The following THSD7B variants were observed in gnomAD, a reference collection of about 807,000 sequenced individuals.
THSD7B encodes thrombospondin type 1 domain containing 7B.
In THSD7B, 138 loss-of-function variants were observed where a neutral mutation model predicts 213.6. The observed-to-expected ratio is 0.65, with a 90% CI of 0.56 to 0.74. The LOEUF (loss-of-function observed/expected upper bound fraction) is 0.74. THSD7B is among the 30% of genes least tolerant of loss of function. The pLI, the probability that THSD7B is intolerant of heterozygous loss-of-function variation, is 0.00. For synonymous variants in THSD7B, 742 were observed against 687.0 expected (o/e 1.08, Z -1.25); for missense variants, 1,931 against 1,991.5 (o/e 0.97, Z 0.58).
At chr2:136,826,009 C>T (rs376587129) in intron 1 of THSD7B, among the ~76,000 whole-genome samples, 16 of 152,224 alleles carry the variant, frequency 1.1e-4, no homozygotes, top group South Asian at 2.1e-4. Context: ...CCTGGGGATT[C>T]GGATGTAGGC....
At chr2:136,814,521 C>A (rs559817697) in intron 1 of THSD7B, among the ~76,000 whole-genome samples, 4 of 152,170 alleles carry the variant, frequency 2.6e-5, no homozygotes, top group East Asian at 1.9e-4. Context: ...GCCTCAGCCT[C>A]CTGAGTAGCT....
Position 137,394,480 on chromosome 2 carries a change from G to A in THSD7B, c.2501-11133G>A, listed in dbSNP as rs564133802. On this transcript the variant is annotated intron_variant, in intron 12 of 27. Transcript: ENST00000409968. ...AAAGATCTGATAGTTGTAGATATGC[G>A]GCGTTATTTCTGAGGGCTGTGTTCT... 8.0e-5 allele frequency among the ~76,000 whole-genome samples: 11 copies of A among 137,844 alleles called. 2 individuals are homozygous for A. In the South Asian group the frequency reaches 1.0e-3, roughly 13 times the overall value. The allele number at this position is 137,844 out of a possible 152,430, so 90.4% of individuals were successfully genotyped here. A position where few individuals can be genotyped will look rare whatever the true frequency, so the allele number is the denominator to read the frequency against.
intron 15 of THSD7B, among the ~76,000 whole-genome samples, chr2:137,492,756 G>A (rs946939395): frequency 2.6e-5 from 4 of 152,078 alleles, no homozygotes; most frequent in Admixed American, 2.6e-4. Context: ...AAATTAGCAC[G>A]TTAATAAATA....
intron 15 of THSD7B, among the ~76,000 whole-genome samples, chr2:137,480,745 A>T (rs1295441611): frequency 6.6e-6 from 1 of 152,270 alleles, no homozygotes; most frequent in Non-Finnish European, 1.5e-5. Flanking sequence ...AATTAACAGG[A>T]TTAAAATTTT....
intron 14 of THSD7B, among the ~76,000 whole-genome samples, chr2:137,450,244 C>G (rs992350422): frequency 2.0e-5 from 3 of 152,126 alleles, no homozygotes; most frequent in African/African-American, 7.2e-5. Flanking sequence ...ACAAGCAAGG[C>G]CAGGTAGAGC....
chr2:136,916,285 A>C (rs1684346870), intron 2 of THSD7B, among the ~76,000 whole-genome samples: 1 of 152,222 alleles, frequency 6.6e-6, no homozygotes, highest in Non-Finnish European at 1.5e-5. Context: ...CATGATGGGC[A>C]GTGAGAATAT....
chr2:137,032,393 G>C (rs1054720892), intron 2 of THSD7B, among the ~76,000 whole-genome samples: 9 of 152,254 alleles, frequency 5.9e-5, no homozygotes, highest in Non-Finnish European at 1.3e-4. Flanking sequence ...CTTGCAACCA[G>C]TACTGTACCA....
chr2:137,074,599 T>C (rs1055605881), intron 3 of THSD7B, among the ~76,000 whole-genome samples: 2 of 152,210 alleles, frequency 1.3e-5, no homozygotes, highest in African/African-American at 4.8e-5. Flanking sequence ...AAAGTTAATA[T>C]TGTTATGTGT....
chr2:137,154,700 C>G (rs191360938), intron 5 of THSD7B, among the ~76,000 whole-genome samples: 1 of 152,052 alleles, frequency 6.6e-6, no homozygotes, highest in East Asian at 1.9e-4. Context: ...AAGAATGATA[C>G]TCATTTTTCT....
At chr2:136,879,944 A>G (rs933636118) in intron 1 of THSD7B, among the ~76,000 whole-genome samples, 1 of 152,216 alleles carries the variant, frequency 6.6e-6, no homozygotes, top group Non-Finnish European at 1.5e-5. Context: ...CACCCAATAT[A>G]GGAGCACCCA....
intron 12 of THSD7B, among the ~76,000 whole-genome samples, chr2:137,286,217 T>G (rs1016349832): frequency 1.3e-5 from 2 of 152,256 alleles, no homozygotes; most frequent in South Asian, 4.2e-4. Context: ...GAAAACTATT[T>G]GTATTGTAGA....
chr2:137,366,156 C>T (rs1016232672), intron 12 of THSD7B, among the ~76,000 whole-genome samples: 2 of 152,118 alleles, frequency 1.3e-5, no homozygotes, highest in African/African-American at 4.8e-5. Context: ...AACCCAAACA[C>T]CACATGTTCT....
intron 5 of THSD7B, among the ~76,000 whole-genome samples, chr2:137,128,647 A>T (rs961630105): frequency 2.0e-5 from 3 of 152,208 alleles, no homozygotes; most frequent in Admixed American, 6.5e-5. Context: ...AATGTTTGTC[A>T]GTTGCAGGCC....
At chr2:137,182,595 G>T (rs554318339) in intron 7 of THSD7B, among the ~76,000 whole-genome samples, 1 of 152,128 alleles carries the variant, frequency 6.6e-6, no homozygotes, top group African/African-American at 2.4e-5. Flanking sequence ...ATGAGAATCC[G>T]TAGGAGTAAC....
intron 16 of THSD7B, among the ~76,000 whole-genome samples, chr2:137,565,806 T>G (rs1216172763): frequency 6.6e-6 from 1 of 152,124 alleles, no homozygotes; most frequent in East Asian, 1.9e-4. Flanking sequence ...AAGCCACCAG[T>G]CTCATCATGG....
At chr2:137,510,866 C>T (rs144971669) in intron 15 of THSD7B, among the ~76,000 whole-genome samples, 145 of 152,196 alleles carry the variant, frequency 9.5e-4, no homozygotes, top group African/African-American at 3.2e-3. Context: ...TTATACTATT[C>T]GGGGTTTGTT....
chr2:137,110,427 A>G (rs1027431677), intron 4 of THSD7B, among the ~76,000 whole-genome samples: 14 of 152,096 alleles, frequency 9.2e-5, no homozygotes, highest in Non-Finnish European at 1.5e-4. Context: ...CTTAACTGAA[A>G]TGTTCTTGTA....
intron 20 of THSD7B, among the ~76,000 whole-genome samples, chr2:137,630,363 T>C (rs556083450): frequency 6.6e-6 from 1 of 152,256 alleles, no homozygotes; most frequent in African/African-American, 2.4e-5. Flanking sequence ...CTTGAATTTT[T>C]AAGCACCTAC....
intron 1 of THSD7B, among the ~76,000 whole-genome samples, chr2:136,771,442 A>C (rs961105402): frequency 1.4e-4 from 21 of 152,278 alleles, no homozygotes; most frequent in Non-Finnish European, 2.9e-4. Context: ...ATACTACATC[A>C]ATTTAACTCT....
Sources: gnomAD v4.1 joint callset for allele counts (sites outside exome capture counted in the v4.1 genomes callset) on GRCh38, gnomAD v4.1.1 for gene constraint, MANE v1.5 for transcripts, NCBI Gene and HGNC (gene_info 2026-07-23, HGNC 2026-07-21) for gene names.